STEAP4: variants seen among roughly 807,000 people sequenced by gnomAD.
STEAP4 encodes the protein metalloreductase STEAP4.
STEAP4 carries 36 observed loss-of-function variants against 43.6 expected under a neutral mutation model. The observed-to-expected ratio is 0.83, with a 90% CI of 0.63 to 1.09. The LOEUF (loss-of-function observed/expected upper bound fraction) is 1.09. STEAP4 is among the 50% of genes least tolerant of loss of function. The pLI is 0.00. For missense variants in STEAP4, 495 were observed against 546.5 expected (o/e 0.91, Z 0.94); for synonymous variants, 191 against 196.7 (o/e 0.97, Z 0.24).
chr7:88,293,270 T>C (rs1852868102), intron 1 of STEAP4, among the ~76,000 whole-genome samples: 1 of 152,202 alleles, frequency 6.6e-6, no homozygotes, highest in South Asian at 2.1e-4. Flanking sequence ...GTGAGAAGTC[T>C]CTTCATGTAT....
intron 1 of STEAP4, among the ~76,000 whole-genome samples, chr7:88,301,256 T>A (rs1853028204): frequency 1.3e-5 from 2 of 152,146 alleles, no homozygotes; most frequent in Admixed American, 1.3e-4. Context: ...ATAAATCACT[T>A]TAGTACTTTG....
Position 88,279,537 on chromosome 7 carries a change from C to G in STEAP4, c.1241G>C (p.Trp414Ser). ...TAACACGTAGGCTGCAGGAAGATAC[C>G]ATCTGAGATTTGAAGGGCTGAGGAA... ...KRFLSPSNLR[W>S]YLPAAYVLGL... is the part of the protein sequence containing the mutation. Residue 414 changes from tryptophan (W) to serine (S), a missense_variant, in exon 5 of 5, where the codon TGG becomes TCG. By Grantham distance (177) the Trp-to-Ser change is radical. Coordinates refer to ENST00000380079, the MANE Select transcript of STEAP4 (RefSeq NM_024636.4). 3 of 1,614,066 alleles carry G rather than the reference C, an allele frequency of 1.9e-6. No homozygotes were observed. Among genetic ancestry groups the G allele is most frequent in the Non-Finnish European group, 2.5e-6 (3 of 1,180,002 alleles).
Position 88,283,866 on chromosome 7 carries a change from T to A in STEAP4, c.404A>T (p.Asn135Ile). 6.2e-7 allele frequency: 1 copy of A among 1,614,172 alleles called. No homozygotes were observed. The highest frequency in any genetic ancestry group is 8.5e-7 in the Non-Finnish European group (1 of 1,180,018). Residue 135 changes from asparagine (N) to isoleucine (I), a missense_variant, in exon 2 of 5, where the codon AAC (asparagine) becomes ATC (isoleucine). By Grantham distance (149) the Asn-to-Ile change is moderately radical. Transcript: ENST00000380079. Reference protein sequence around the residue: ...VPGAHVVKAFNTISAWALQSG... With the variant: ...VPGAHVVKAFITISAWALQSG... ...CTGGAGAGCCCAGGCTGAGATGGTGTTAAATGCTTTTACCACGTGGGCTCC... is the reference window on the plus strand; with the variant it reads ...CTGGAGAGCCCAGGCTGAGATGGTGATAAATGCTTTTACCACGTGGGCTCC...
rs145577446 is a variant in STEAP4 at position 88,273,879 on chromosome 7, A to G, written c.*5519T>C. 1.3e-5 allele frequency: 2 copies of G among 152,236 alleles called. No homozygotes were observed. The highest frequency in any genetic ancestry group is 4.8e-5 in the African/African-American group (2 of 41,462). 9.4% of individuals were successfully genotyped at this position (152,236 alleles called of 1,614,324 possible). A position where few individuals can be genotyped will look rare whatever the true frequency, so the allele number is the denominator to read the frequency against. Reference sequence around the variant, plus strand: ...ACAGATCCTGTGTTTCTACAACCTTAGAGGACGAATTGAAATCAGCATAGA... The same window carrying G: ...ACAGATCCTGTGTTTCTACAACCTTGGAGGACGAATTGAAATCAGCATAGA... On this transcript the variant is annotated 3_prime_UTR_variant, in exon 5 of 5. Coordinates refer to ENST00000380079, the MANE Select transcript of STEAP4 (RefSeq NM_024636.4).
chr7:88,290,011 TA>T (rs1405532028), intron 1 of STEAP4, among the ~76,000 whole-genome samples: 2 of 152,156 alleles, frequency 1.3e-5, no homozygotes, highest in African/African-American at 2.4e-5. Context: ...TCTCCTCACT[TA>T]AAAAAATTAT....
chr7:88,295,652 T>C (rs1426877582), intron 1 of STEAP4, among the ~76,000 whole-genome samples: 1 of 152,190 alleles, frequency 6.6e-6, no homozygotes, highest in Non-Finnish European at 1.5e-5. Flanking sequence ...GTTAAAATGC[T>C]AGGGAACCAC....
intron 1 of STEAP4, among the ~76,000 whole-genome samples, chr7:88,299,477 G>C (rs533908639): frequency 6.6e-6 from 1 of 152,280 alleles, no homozygotes; most frequent in South Asian, 2.1e-4. Flanking sequence ...CCAAAGATTA[G>C]GCATCTGGTC....
intron 1 of STEAP4, among the ~76,000 whole-genome samples, chr7:88,293,918 T>C (rs910216096): frequency 1.3e-5 from 2 of 152,164 alleles, no homozygotes; most frequent in African/African-American, 4.8e-5. Context: ...GCTACTCTAG[T>C]TCCTTTTCAG....
chr7:88,300,398 A>G (rs1025672631), intron 1 of STEAP4, among the ~76,000 whole-genome samples: 2 of 151,844 alleles, frequency 1.3e-5, no homozygotes, highest in African/African-American at 4.8e-5. Flanking sequence ...TTTTTAGTAG[A>G]GACTGGGTTT....
intron 1 of STEAP4, among the ~76,000 whole-genome samples, chr7:88,295,106 C>T (rs559934546): frequency 6.6e-6 from 1 of 152,232 alleles, no homozygotes; most frequent in Non-Finnish European, 1.5e-5. Flanking sequence ...CAGTTTCAAT[C>T]ATCACAACAT....
At chr7:88,283,535 A>G (rs528003062) in intron 2 of STEAP4, 35 of 514,098 alleles carry the variant, frequency 6.8e-5, no homozygotes, top group African/African-American at 6.5e-4. Context: ...GCAGAAAAGG[A>G]TATTCACCAA....
chr7:88,287,022 C>T (rs555687421), intron 1 of STEAP4, among the ~76,000 whole-genome samples: 72 of 152,062 alleles, frequency 4.7e-4, no homozygotes, highest in African/African-American at 8.2e-4. Flanking sequence ...TACAGACAGA[C>T]ACCCTGGGAG....
chr7:88,282,372 C>A, intron 3 of STEAP4: 1 of 467,886 alleles, frequency 2.1e-6, no homozygotes, highest in Non-Finnish European at 3.8e-6. Flanking sequence ...TGGTCTTGAT[C>A]TCTTGACCAC....
chr7:88,304,070 TAA>T (rs1311612300), intron 1 of STEAP4: 8 of 152,056 alleles, frequency 5.3e-5, no homozygotes, highest in Admixed American at 2.6e-4. Flanking sequence ...TCATTCTCAG[TAA>T]ACTATCGCAA....
chr7:88,287,930 T>C (rs1320251324), intron 1 of STEAP4, among the ~76,000 whole-genome samples: 1 of 152,188 alleles, frequency 6.6e-6, no homozygotes, highest in Non-Finnish European at 1.5e-5. Context: ...AACCATAAAC[T>C]AAATTCCTTC....
intron 1 of STEAP4, chr7:88,298,466 A>AACACACACACACACACAC (rs35424721): frequency 2.8e-4 from 39 of 141,386 alleles, no homozygotes; most frequent in Non-Finnish European, 4.3e-4. Context: ...GGTTCTTGTA[A>AACACACACACACACACAC]ACACACACAC....
chr7:88,298,911 C>T (rs1199327828), intron 1 of STEAP4, among the ~76,000 whole-genome samples: 1 of 152,096 alleles, frequency 6.6e-6, no homozygotes, highest in Admixed American at 6.5e-5. Context: ...TAGAATGGCA[C>T]ACAAAAACAC....
chr7:88,293,927 A>G (rs1373990359), intron 1 of STEAP4, among the ~76,000 whole-genome samples: 2 of 152,046 alleles, frequency 1.3e-5, no homozygotes, highest in African/African-American at 4.8e-5. Context: ...GTTCCTTTTC[A>G]GTCCTATAAA....
chr7:88,279,796 G>A, intron 4 of STEAP4, 168 bp from the exon 5 acceptor site: 1 of 602,562 alleles, frequency 1.7e-6, no homozygotes, highest in East Asian at 2.8e-5. Flanking sequence ...CTTCAGGATG[G>A]TAAATACTTC....
Sources: gnomAD v4.1 joint callset for allele counts (sites outside exome capture counted in the v4.1 genomes callset) on GRCh38, gnomAD v4.1.1 for gene constraint, MANE v1.5 for transcripts, NCBI Gene and HGNC (gene_info 2026-07-23, HGNC 2026-07-21) for gene names.